AKAP19: variants seen among roughly 807,000 people sequenced by gnomAD.
AKAP19 encodes A-kinase anchoring protein 19.
chr2:190,171,242 A>C, the AKAP19 span, among the ~76,000 whole-genome samples: 1 of 152,128 alleles, frequency 6.6e-6, no homozygotes, highest in Non-Finnish European at 1.5e-5. Flanking sequence ...TTAAAAAAAA[A>C]AACAAACAGT....
the AKAP19 span, among the ~76,000 whole-genome samples, chr2:189,904,472 A>C: frequency 1.3e-5 from 2 of 151,974 alleles, no homozygotes; most frequent in Non-Finnish European, 2.9e-5. Context: ...TTTATCTCTA[A>C]ATATATTTAA....
At chr2:189,933,313 T>A in the AKAP19 span, among the ~76,000 whole-genome samples, 4 of 152,098 alleles carry the variant, frequency 2.6e-5, no homozygotes, top group African/African-American at 9.7e-5. Context: ...TCTTAGAAAA[T>A]CAAAACCGTG....
the AKAP19 span, among the ~76,000 whole-genome samples, chr2:190,041,989 G>T: frequency 6.6e-6 from 1 of 151,866 alleles, no homozygotes; most frequent in Non-Finnish European, 1.5e-5. Flanking sequence ...TTTTTTTATT[G>T]TGTCTCTGCC....
chr2:190,161,464 C>T, the AKAP19 span, among the ~76,000 whole-genome samples: 1 of 152,146 alleles, frequency 6.6e-6, no homozygotes, highest in Non-Finnish European at 1.5e-5. Context: ...ACATTCTAAA[C>T]AAGTAGCAAG....
the AKAP19 span, among the ~76,000 whole-genome samples, chr2:189,899,753 TCTTTC>T: frequency 2.0e-5 from 3 of 151,286 alleles, no homozygotes; most frequent in African/African-American, 7.3e-5. Flanking sequence ...ACTATTACCC[TCTTTC>T]CTTTCTTTTA....
the AKAP19 span, among the ~76,000 whole-genome samples, chr2:190,144,897 A>C: frequency 6.6e-6 from 1 of 152,172 alleles, no homozygotes; most frequent in Admixed American, 6.5e-5. Context: ...GAATCACTTG[A>C]ACCCGGGAGG....
chr2:190,160,420 ATTAGTC>A, the AKAP19 span, among the ~76,000 whole-genome samples: 199 of 151,206 alleles, frequency 1.3e-3, 1 homozygote, highest in African/African-American at 4.8e-3. Flanking sequence ...AAACCCAAAT[ATTAGTC>A]TCTTGGCCTT....
chr2:190,092,016 A>G, the AKAP19 span, among the ~76,000 whole-genome samples: 250 of 152,312 alleles, frequency 1.6e-3, 1 homozygote, highest in African/African-American at 5.7e-3. Flanking sequence ...TTTTTAAATG[A>G]CTTATCATTA....
chr2:190,167,259 T>A, the AKAP19 span, among the ~76,000 whole-genome samples: 19 of 152,214 alleles, frequency 1.2e-4, no homozygotes, highest in African/African-American at 4.3e-4. Flanking sequence ...CTCCCCTTTT[T>A]AAAACCATCA....
chr2:189,963,308 C>G, the AKAP19 span, among the ~76,000 whole-genome samples: 1 of 151,730 alleles, frequency 6.6e-6, no homozygotes. Flanking sequence ...CATTCTCCTG[C>G]CTCAGCCTCC....
the AKAP19 span, among the ~76,000 whole-genome samples, chr2:190,022,248 C>T: frequency 7.2e-5 from 11 of 152,138 alleles, no homozygotes; most frequent in South Asian, 2.1e-4. Flanking sequence ...TCTTACACTC[C>T]GAATTGAGAG....
At chr2:189,903,655 A>T in the AKAP19 span, among the ~76,000 whole-genome samples, 2 of 151,998 alleles carry the variant, frequency 1.3e-5, no homozygotes, top group Non-Finnish European at 2.9e-5. Flanking sequence ...TTTGACTTTT[A>T]TTTTAGATAC....
chr2:189,991,573 AT>A, the AKAP19 span, among the ~76,000 whole-genome samples: 1 of 151,942 alleles, frequency 6.6e-6, no homozygotes, highest in African/African-American at 2.4e-5. Flanking sequence ...ATTTGTTTGA[AT>A]TCTTTATAGA....
the AKAP19 span, among the ~76,000 whole-genome samples, chr2:190,003,860 C>CTG: frequency 0.014 from 2,074 of 151,734 alleles, 19 homozygotes; most frequent in Non-Finnish European, 0.021. Flanking sequence ...GAGTGAGACT[C>CTG]TGTATAAAGA....
At chr2:190,199,736 A>C in the AKAP19 span, 1 of 1,497,858 alleles carries the variant, frequency 6.7e-7, no homozygotes, top group Non-Finnish European at 8.8e-7. Flanking sequence ...GGGAACATTG[A>C]TTACTGAAGT....
At chr2:189,910,022 A>G in the AKAP19 span, among the ~76,000 whole-genome samples, 30 of 152,094 alleles carry the variant, frequency 2.0e-4, no homozygotes, top group African/African-American at 7.2e-4. Context: ...TAGGCTTCCT[A>G]TGTATAAGGT....
chr2:190,057,532 G>A, the AKAP19 span: 1 of 1,613,506 alleles, frequency 6.2e-7, no homozygotes, highest in Non-Finnish European at 8.5e-7. Flanking sequence ...CACAGTTAGA[G>A]GGTAACGACA....
At chr2:190,034,865 A>AG in the AKAP19 span, among the ~76,000 whole-genome samples, 5 of 150,082 alleles carry the variant, frequency 3.3e-5, no homozygotes, top group Non-Finnish European at 7.4e-5. Flanking sequence ...CCAAAAAAAA[A>AG]AAAAAAAAAA....
the AKAP19 span, among the ~76,000 whole-genome samples, chr2:190,179,416 GA>G: frequency 7.9e-3 from 1,150 of 145,380 alleles, 14 homozygotes; most frequent in East Asian, 0.023. This position sits in a 1 kb window ranked among gnomAD's most constrained non-coding sequence, Gnocchi z 6.0. Context: ...TCAAAAAAAA[GA>G]AAAAAAAAAT....
Sources: allele counts gnomAD v4.1 joint callset (sites outside exome capture counted in the v4.1 genomes callset), GRCh38; gene constraint gnomAD v4.1.1; non-coding constraint Gnocchi (gnomAD v3.1); transcripts MANE v1.5; gene names NCBI Gene and HGNC (gene_info 2026-07-23, HGNC 2026-07-21).